Variants in DNAJC13 observed in about 807,000 individuals in gnomAD.
The protein encoded by DNAJC13 is DnaJ heat shock protein family (Hsp40) member C13, also known as dnaJ homolog subfamily C member 13.
DNAJC13 carries 75 observed loss-of-function variants against 290.5 expected under a neutral mutation model. That is an observed-to-expected ratio of 0.26 (90% CI 0.21 to 0.31). The LOEUF is 0.31. DNAJC13 is among the 10% of genes least tolerant of loss of function. The pLI is 1.00. For synonymous variants in DNAJC13, 862 were observed against 892.0 expected (o/e 0.97, Z 0.60); for missense variants, 2,260 against 2,674.5 (o/e 0.85, Z 3.42).
chr3:132,519,111 G>A (rs1157971595), intron 48 of DNAJC13, among the ~76,000 whole-genome samples: 1 of 152,198 alleles, frequency 6.6e-6, no homozygotes. Flanking sequence ...ACACTACTGT[G>A]AACATTTGTG....
chr3:132,523,632 C>T lies in DNAJC13; in HGVS notation c.5979C>T (p.Ala1993=), dbSNP rs61741053. ...VFLRIFIAQP[A]WVLRKPREFL... ...TGAGGATCTTTATTGCACAACCAGC[C>T]TGGGTTCTAAGAAAGCCTAGAGAAT... Residue 1993 remains alanine (A), a synonymous_variant, in exon 51 of 56, where the codon GCC becomes GCT. Coordinates refer to ENST00000260818, the MANE Select transcript of DNAJC13 (RefSeq NM_015268.4). The T allele has an allele frequency of 2.2e-3, 3,625 of 1,614,042 alleles. 74 individuals carry two copies. In the African/African-American group the frequency reaches 0.043, roughly 19 times the overall value.
intron 54 of DNAJC13, among the ~76,000 whole-genome samples, chr3:132,528,843 T>A (rs986249011): frequency 1.3e-5 from 2 of 152,158 alleles, no homozygotes; most frequent in Admixed American, 6.5e-5. Flanking sequence ...TTTGCTGACT[T>A]CAGGCCTGTT....
chr3:132,495,063 A>G (rs1403940902), intron 34 of DNAJC13, 25 bp from the exon 35 acceptor site: 1 of 1,586,798 alleles, frequency 6.3e-7, no homozygotes, highest in African/African-American at 1.3e-5. Flanking sequence ...TACTATACTC[A>G]TAAAACAATT....
intron 13 of DNAJC13, 140 bp downstream of exon 13, chr3:132,457,508 G>A (rs1418705570): frequency 1.5e-6 from 1 of 660,090 alleles, no homozygotes; most frequent in Non-Finnish European, 2.6e-6. Context: ...TCAAACCTTT[G>A]TTTAGCATAT....
intron 29 of DNAJC13, among the ~76,000 whole-genome samples, chr3:132,487,102 A>C (rs917447064): frequency 6.6e-6 from 1 of 152,146 alleles, no homozygotes; most frequent in African/African-American, 2.4e-5. Flanking sequence ...CGCTTAATCT[A>C]AATTCCTTGT....
At position 132,471,335 on chromosome 3, in the gene DNAJC13, C is replaced by T. The variant is rs544729866; in HGVS notation, c.2209-1810C>T. On this transcript the variant is annotated intron_variant, in intron 20 of 55. Transcript: ENST00000260818. ...CTCCCGGACGGGGCGGCTGGCCGGG[C>T]GGGGGGTTGACCCCCCCCCACCTCC... 1.8e-3 allele frequency among the ~76,000 whole-genome samples: 240 copies of T among 133,886 alleles called. 3 individuals are homozygous for T. Among genetic ancestry groups the T allele is most frequent in the African/African-American group, 5.0e-3 (175 of 34,776 alleles). 87.8% of individuals were successfully genotyped at this position (133,886 alleles called of 152,430 possible).
intron 46 of DNAJC13, among the ~76,000 whole-genome samples, chr3:132,515,814 G>T (rs1036623391): frequency 2.6e-5 from 4 of 152,114 alleles, no homozygotes; most frequent in Non-Finnish European, 4.4e-5. Context: ...TTTCATCTCA[G>T]CCTAATACTT....
intron 36 of DNAJC13, 91 bp from the exon 37 acceptor site, chr3:132,499,035 G>A (rs1317234016): frequency 1.4e-5 from 17 of 1,220,402 alleles, no homozygotes; most frequent in Admixed American, 7.5e-5. Context: ...TTTTTTTAAG[G>A]CAACATATTC....
intron 2 of DNAJC13, among the ~76,000 whole-genome samples, chr3:132,436,345 A>G (rs1939384860): frequency 1.3e-5 from 2 of 152,348 alleles, no homozygotes; most frequent in Non-Finnish European, 2.9e-5. Flanking sequence ...TCCATTAAGC[A>G]TAATGTTTTC....
rs1216491078 is a variant in DNAJC13 at position 132,505,321 on chromosome 3, G to A, written c.4904G>A (p.Ser1635Asn). The change falls in exon 42 of 56, where the codon AGC becomes AAC. Residue 1635 changes from serine (S) to asparagine (N), a missense_variant. By Grantham distance (46) the Ser-to-Asn change is conservative (BLOSUM62 1). Around this residue, in one of 3 missense-constraint regions of DNAJC13, gnomAD observed 1,494 missense variants for 1,693.7 expected, o/e 0.88. Transcript: ENST00000260818. ...SVTEILKMLN[S>N]NTESPYLIWN... ...TCCTAGATTTTGAAGATGCTTAACA[G>A]CAACACAGAAAGTCCATATTTGATA... 1 of 1,606,294 alleles carries A rather than the reference G, an allele frequency of 6.2e-7. No homozygotes were observed. The highest frequency in any genetic ancestry group is 8.5e-7 in the Non-Finnish European group (1 of 1,175,920).
intron 9 of DNAJC13, among the ~76,000 whole-genome samples, chr3:132,454,868 T>C (rs553684125): frequency 6.6e-6 from 1 of 152,316 alleles, no homozygotes; most frequent in South Asian, 2.1e-4. Flanking sequence ...TTTATGTACG[T>C]TATCTTGCTT....
At chr3:132,507,447 T>G in intron 43 of DNAJC13, 94 bp downstream of exon 43, 1 of 756,262 alleles carries the variant, frequency 1.3e-6, no homozygotes, top group Admixed American at 2.5e-5. Flanking sequence ...CACACTTCAT[T>G]TTATTGCACT....
Position 132,465,599 on chromosome 3 carries a change from C to T in DNAJC13, c.1893-396C>T, listed in dbSNP as rs373520452. Among the ~76,000 whole-genome samples the T allele has an allele frequency of 3.3e-5, 5 of 152,016 alleles. 1 individual carries two copies. In the South Asian group the frequency reaches 1.0e-3, roughly 31 times the overall value. On this transcript the variant is annotated intron_variant, in intron 17 of 55. Transcript: ENST00000260818. ...ATATTAGAACAGTTGTTGACTTCTGCTTGTTCAGAATTCCAAAAAATGCCA... is the reference window on the plus strand; with the variant it reads ...ATATTAGAACAGTTGTTGACTTCTGTTTGTTCAGAATTCCAAAAAATGCCA...
chr3:132,534,394 G>A (rs1393058777), intron 55 of DNAJC13, among the ~76,000 whole-genome samples: 1 of 152,162 alleles, frequency 6.6e-6, no homozygotes, highest in East Asian at 1.9e-4. Flanking sequence ...AATGGCTCAT[G>A]TCTGTAATCC....
intron 20 of DNAJC13, among the ~76,000 whole-genome samples, chr3:132,470,726 C>A (rs1934193960): frequency 1.8e-5 from 2 of 110,848 alleles, no homozygotes; most frequent in Non-Finnish European, 3.8e-5. Flanking sequence ...CTCCTCACTT[C>A]CCAGTAGGGG....
rs919732346 is a variant in DNAJC13, at chr3:132,433,038, A to G, written c.-13-1500A>G. On this transcript the variant is annotated intron_variant, in intron 1 of 55. Coordinates refer to ENST00000260818, the MANE Select transcript of DNAJC13 (RefSeq NM_015268.4). ...TTAAAAATAATTTTCTTATAGAATA[A>G]TTACATGGGGAAAGGTTAACATTCT... 2.0e-5 allele frequency among the ~76,000 whole-genome samples: 3 copies of G among 152,230 alleles called. No individual in the cohort carries two copies. The East Asian group carries it at 5.8e-4, about 29-fold the overall frequency.
rs141799905 is a variant in DNAJC13 at position 132,498,701 on chromosome 3, T to TA, written c.4157-424dup. 2.3e-3 allele frequency among the ~76,000 whole-genome samples: 354 copies of TA among 152,140 alleles called. 1 individual carries two copies. The highest frequency in any genetic ancestry group is 8.2e-3 in the African/African-American group (342 of 41,534). On this transcript the variant is annotated intron_variant, in intron 36 of 55. Coordinates refer to ENST00000260818, the MANE Select transcript of DNAJC13 (RefSeq NM_015268.4). ...AGATAAAATATTTTATCTTTTTTTT[T>TA]ACGTTTTATTTTATTTTATTTTTAT...
chr3:132,438,779 T>G (rs1932950230), intron 2 of DNAJC13, among the ~76,000 whole-genome samples: 1 of 152,236 alleles, frequency 6.6e-6, no homozygotes, highest in Non-Finnish European at 1.5e-5. Context: ...ATCATCGGTA[T>G]GGATGCCTTA....
chr3:132,487,287 T>G (rs866332301), intron 29 of DNAJC13, among the ~76,000 whole-genome samples: 1 of 152,088 alleles, frequency 6.6e-6, no homozygotes, highest in African/African-American at 2.4e-5. Context: ...GATGGAGTTT[T>G]ACTCTGTCGC....
Sources: gnomAD v4.1 joint callset for allele counts (sites outside exome capture counted in the v4.1 genomes callset) on GRCh38, gnomAD v4.1.1 for gene constraint, gnomAD v4.1.1 regional missense constraint, MANE v1.5 for transcripts, NCBI Gene and HGNC (gene_info 2026-07-23, HGNC 2026-07-21) for gene names.